PRDM6: variants seen among roughly 807,000 people sequenced by gnomAD.
PRDM6 encodes PR/SET domain 6.
A neutral mutation model predicts 60.8 loss-of-function variants in PRDM6; 25 were observed. That is an observed-to-expected ratio of 0.41 (90% CI 0.30 to 0.57). The LOEUF is 0.57. Ranked by LOEUF, PRDM6 falls within the 20% of genes least tolerant of loss-of-function variation. The pLI is 0.27. For synonymous variants in PRDM6, 407 were observed against 357.4 expected (o/e 1.14, Z -1.57); for missense variants, 839 against 821.3 (o/e 1.02, Z -0.26).
At chr5:123,185,228 C>A (rs1321417722) in intron 7 of PRDM6, among the ~76,000 whole-genome samples, 1 of 152,088 alleles carries the variant, frequency 6.6e-6, no homozygotes, top group Non-Finnish European at 1.5e-5. Context: ...ATTAAAAATG[C>A]AAAACCATGA....
chr5:123,172,230 G>C (rs1765907614), intron 6 of PRDM6, among the ~76,000 whole-genome samples: 1 of 152,134 alleles, frequency 6.6e-6, no homozygotes, highest in Admixed American at 6.5e-5. Flanking sequence ...CGGGGAGAGG[G>C]AGTGGATATT....
At chr5:123,116,239 G>A (rs937042851) in intron 3 of PRDM6, among the ~76,000 whole-genome samples, 2 of 152,130 alleles carry the variant, frequency 1.3e-5, no homozygotes, top group Non-Finnish European at 2.9e-5. Context: ...GGAACTAAAC[G>A]CCTCCACACA....
chr5:123,112,256 C>T (rs1265045950), intron 3 of PRDM6, among the ~76,000 whole-genome samples: 1 of 152,158 alleles, frequency 6.6e-6, no homozygotes, highest in Admixed American at 6.5e-5. Flanking sequence ...CTGCAGCACA[C>T]CTTAAGTCCC....
At chr5:123,113,200 C>A (rs375317929) in intron 3 of PRDM6, among the ~76,000 whole-genome samples, 53 of 152,228 alleles carry the variant, frequency 3.5e-4, no homozygotes, top group African/African-American at 1.3e-3. Flanking sequence ...TAAAGTCCAG[C>A]GTTTACATTA....
intron 3 of PRDM6, among the ~76,000 whole-genome samples, chr5:123,116,537 C>T (rs1035549477): frequency 1.3e-5 from 2 of 152,024 alleles, no homozygotes; most frequent in Admixed American, 6.5e-5. Flanking sequence ...CAAAGAAAAC[C>T]GTCATATCTT....
At chr5:123,100,020 C>T in intron 3 of PRDM6, 59 bp downstream of exon 3, 5 of 1,429,502 alleles carry the variant, frequency 3.5e-6, no homozygotes, top group Non-Finnish European at 4.6e-6. Context: ...CAGCAGGGAG[C>T]CTTGGCCGGC....
At chr5:123,179,262 A>G (rs1019140313) in intron 6 of PRDM6, among the ~76,000 whole-genome samples, 2 of 152,320 alleles carry the variant, frequency 1.3e-5, no homozygotes, top group Middle Eastern at 6.8e-3. Context: ...GGTATTTGTC[A>G]CCACTTCCTT....
rs1002619010 is a variant in PRDM6 at position 123,188,843 on chromosome 5, C to T, written c.*1642C>T. 2.0e-5 allele frequency: 3 copies of T among 152,054 alleles called. No individual in the cohort carries two copies. Among genetic ancestry groups the T allele is most frequent in the Non-Finnish European group, 4.4e-5 (3 of 68,020 alleles). 9.4% of individuals were successfully genotyped at this position (152,054 alleles called of 1,614,324 possible). The stretch of plus-strand genomic sequence containing the variant: ...ATTTTGCTTCTCTATTCCTTAGCAC[C>T]CCAGCTACCACATTTTAAATGGAAT... On this transcript the variant is annotated 3_prime_UTR_variant, in exon 8 of 8. Transcript: ENST00000407847.
At position 123,090,435 on chromosome 5, in the gene PRDM6, G is replaced by T. The variant is rs922260641; in HGVS notation, c.421G>T (p.Ala141Ser). The T allele has an allele frequency of 6.9e-7, 1 of 1,450,350 alleles. No homozygotes were observed. The highest frequency in any genetic ancestry group is 2.7e-5 in the Admixed American group (1 of 37,130). The allele number at this position is 1,450,350 out of a possible 1,614,324, so 89.8% of individuals were successfully genotyped here. ...PLPPKELCLGATSGPGPVKCG... is the reference protein window; with the variant it reads ...PLPPKELCLGSTSGPGPVKCG... Reference sequence around the variant, plus strand: ...GCCCCCCAAGGAACTGTGCCTCGGCGCCACCTCCGGCCCCGGGCCCGTCAA... The same window carrying T: ...GCCCCCCAAGGAACTGTGCCTCGGCTCCACCTCCGGCCCCGGGCCCGTCAA... The change falls in exon 2 of 8, where the codon GCC (alanine) becomes TCC (serine). Residue 141 changes from alanine to serine, a missense_variant. By Grantham distance (99) the Ala-to-Ser change is moderately conservative (BLOSUM62 1). Around this residue, in one of 2 missense-constraint regions of PRDM6, gnomAD observed 730 missense variants for 648.8 expected, o/e 1.13. Transcript: ENST00000407847.
intron 2 of PRDM6, among the ~76,000 whole-genome samples, chr5:123,091,991 T>C (rs1763851555): frequency 6.6e-6 from 1 of 152,222 alleles, no homozygotes; most frequent in South Asian, 2.1e-4. Context: ...ATGAATATTT[T>C]CATTATGTTG....
At chr5:123,168,805 G>C (rs1765819958) in intron 5 of PRDM6, among the ~76,000 whole-genome samples, 1 of 152,246 alleles carries the variant, frequency 6.6e-6, no homozygotes, top group Admixed American at 6.5e-5. Context: ...CCTCTGGTTG[G>C]ATTTGCTTAA....
intron 7 of PRDM6, among the ~76,000 whole-genome samples, chr5:123,180,777 A>G (rs771501497): frequency 3.9e-5 from 6 of 152,326 alleles, no homozygotes; most frequent in Admixed American, 2.0e-4. Flanking sequence ...CAGGATTCTG[A>G]TGAAATATAT....
chr5:123,118,037 T>C (rs1450469232), intron 3 of PRDM6, among the ~76,000 whole-genome samples: 1 of 152,168 alleles, frequency 6.6e-6, no homozygotes, highest in Non-Finnish European at 1.5e-5. Context: ...AGGGAGACAT[T>C]GGATACCTGA....
At chr5:123,160,238 G>A (rs539924423) in intron 5 of PRDM6, among the ~76,000 whole-genome samples, 17 of 152,234 alleles carry the variant, frequency 1.1e-4, no homozygotes, top group East Asian at 3.9e-4. Context: ...CTTTATTACC[G>A]TGCCAACCAT....
At chr5:123,184,176 T>C (rs1456286373) in intron 7 of PRDM6, among the ~76,000 whole-genome samples, 1 of 152,182 alleles carries the variant, frequency 6.6e-6, no homozygotes, top group African/African-American at 2.4e-5. Context: ...AAAAGTATTT[T>C]GTGGCATATC....
intron 3 of PRDM6, among the ~76,000 whole-genome samples, chr5:123,142,196 T>C (rs1580512940): frequency 6.6e-6 from 1 of 152,182 alleles, no homozygotes; most frequent in Non-Finnish European, 1.5e-5. Flanking sequence ...CTTATCCTTC[T>C]GGGTTCCAAC....
chr5:123,120,612 TG>T (rs1156653428), intron 3 of PRDM6, among the ~76,000 whole-genome samples: 1 of 152,246 alleles, frequency 6.6e-6, no homozygotes, highest in Non-Finnish European at 1.5e-5. Flanking sequence ...AAATTTTAAA[TG>T]TATTTTTCCT....
At chr5:123,147,867 G>C (rs907349663) in intron 3 of PRDM6, among the ~76,000 whole-genome samples, 1 of 152,200 alleles carries the variant, frequency 6.6e-6, no homozygotes, top group Non-Finnish European at 1.5e-5. Context: ...TCATATCGAC[G>C]GCTGCCGCCG....
At position 123,090,449 on chromosome 5, in the gene PRDM6, C is replaced by G; in HGVS notation, c.435C>G (p.Pro145=). 2 of 1,463,478 alleles carry G rather than the reference C, an allele frequency of 1.4e-6. No homozygotes were observed. Among genetic ancestry groups the G allele is most frequent in the Non-Finnish European group, 1.8e-6 (2 of 1,116,864 alleles). 90.7% of individuals were successfully genotyped at this position (1,463,478 alleles called of 1,614,324 possible). ...TGTGCCTCGGCGCCACCTCCGGCCC[C>G]GGGCCCGTCAAGTGCGGTGGTGGTG... is the stretch of plus-strand genomic sequence containing the variant. ...KELCLGATSG[P]GPVKCGGGGG... is the part of the protein sequence containing the mutation. The change falls in exon 2 of 8, where the codon CCC becomes CCG. Residue 145 remains proline, a synonymous_variant. Coordinates refer to ENST00000407847, the MANE Select transcript of PRDM6 (RefSeq NM_001136239.4).
Sources: allele counts gnomAD v4.1 joint callset (sites outside exome capture counted in the v4.1 genomes callset), GRCh38; gene constraint gnomAD v4.1.1; regional missense constraint gnomAD v4.1.1; transcripts MANE v1.5; gene names NCBI Gene and HGNC (gene_info 2026-07-23, HGNC 2026-07-21).